GPHN: variants seen among roughly 807,000 people sequenced by gnomAD.
GPHN encodes gephyrin.
In GPHN, 17 loss-of-function variants were observed where a neutral mutation model predicts 95.5. The ratio of observed to expected loss-of-function variants is 0.18; its 90% CI spans 0.12 to 0.27. GPHN has a LOEUF of 0.27. Among genes scored for constraint, GPHN ranks in the 10% least tolerant of loss-of-function variants. The probability of loss-of-function intolerance (pLI) is 1.00; values close to 1 mark genes in which losing one functional copy is unlikely to be tolerated. For synonymous variants in GPHN, 320 were observed against 322.5 expected (o/e 0.99, Z 0.08); for missense variants, 660 against 978.1 (o/e 0.67, Z 4.34).
At chr14:66,894,751 G>C (rs1338124758) in intron 5 of GPHN, among the ~76,000 whole-genome samples, 1 of 152,144 alleles carries the variant, frequency 6.6e-6, no homozygotes, top group Admixed American at 6.5e-5. Flanking sequence ...ACAGACACAT[G>C]AAAAAATGCT....
chr14:67,444,724 A>G, the GPHN span, among the ~76,000 whole-genome samples: 1 of 152,194 alleles, frequency 6.6e-6, no homozygotes, highest in African/African-American at 2.4e-5. Flanking sequence ...CCTGACCTCC[A>G]GGGAGGGAAG....
chr14:66,723,278 G>T (rs754734316), intron 2 of GPHN, among the ~76,000 whole-genome samples: 12 of 130,942 alleles, frequency 9.2e-5, no homozygotes, highest in Non-Finnish European at 1.6e-4. Context: ...ATTTATAAAA[G>T]TTTATAACTT....
At chr14:66,946,908 T>C (rs1310269326) in intron 8 of GPHN, among the ~76,000 whole-genome samples, 2 of 152,196 alleles carry the variant, frequency 1.3e-5, no homozygotes, top group Non-Finnish European at 2.9e-5. Flanking sequence ...TCTTTCACCT[T>C]AATTATTTCA....
At chr14:66,985,661 A>G in intron 9 of GPHN, 1 of 1,496,074 alleles carries the variant, frequency 6.7e-7, no homozygotes. Flanking sequence ...TGTCTTTCTT[A>G]CCCATCTTCC....
At chr14:67,469,083 G>A in the GPHN span, among the ~76,000 whole-genome samples, 1 of 152,090 alleles carries the variant, frequency 6.6e-6, no homozygotes, top group Non-Finnish European at 1.5e-5. Flanking sequence ...ATGCTAACAT[G>A]TAAATGACTG....
chr14:66,615,983 C>T (rs1276169948), intron 1 of GPHN, among the ~76,000 whole-genome samples: 1 of 151,946 alleles, frequency 6.6e-6, no homozygotes, highest in African/African-American at 2.4e-5. Flanking sequence ...GGAATCCTTT[C>T]CCCATTGCTT....
intron 2 of GPHN, among the ~76,000 whole-genome samples, chr14:66,741,446 A>G (rs2072784729): frequency 6.6e-6 from 1 of 152,184 alleles, no homozygotes; most frequent in Non-Finnish European, 1.5e-5. Flanking sequence ...ACATGCATAT[A>G]TGATTTATTC....
At chr14:67,723,796 C>T in the GPHN span, among the ~76,000 whole-genome samples, 8 of 152,336 alleles carry the variant, frequency 5.3e-5, no homozygotes, top group African/African-American at 9.6e-5. Context: ...TCTGCCCCTC[C>T]GTATTCTGTT....
intron 4 of GPHN, among the ~76,000 whole-genome samples, chr14:66,864,796 A>C (rs896223087): frequency 6.6e-6 from 1 of 151,968 alleles, no homozygotes; most frequent in African/African-American, 2.4e-5. Context: ...GGAACTCAGT[A>C]TTTCCAAGGA....
At chr14:67,040,351 T>G (rs557755021) in intron 10 of GPHN, among the ~76,000 whole-genome samples, 1 of 152,160 alleles carries the variant, frequency 6.6e-6, no homozygotes, top group Non-Finnish European at 1.5e-5. Context: ...ACATGATGCC[T>G]CTTTACCCCT....
intron 8 of GPHN, among the ~76,000 whole-genome samples, chr14:66,927,519 G>A (rs1416151366): frequency 6.6e-6 from 1 of 151,794 alleles, no homozygotes; most frequent in African/African-American, 2.4e-5. Flanking sequence ...TTCCAATTTG[G>A]GTGCTGTTTA....
the GPHN span, chr14:67,674,390 C>G: frequency 1.2e-6 from 2 of 1,601,548 alleles, no homozygotes; most frequent in Non-Finnish European, 1.7e-6. Flanking sequence ...CCCGCCGTCC[C>G]CAGCAGCCGC....
chr14:66,603,903 T>C (rs565854525), intron 1 of GPHN, among the ~76,000 whole-genome samples: 11 of 152,210 alleles, frequency 7.2e-5, no homozygotes, highest in African/African-American at 2.6e-4. Context: ...TTATGATTAA[T>C]GTTAGTATTA....
chr14:67,255,716 T>C, the GPHN span, among the ~76,000 whole-genome samples: 2 of 152,344 alleles, frequency 1.3e-5, no homozygotes, highest in Non-Finnish European at 2.9e-5. Flanking sequence ...AGTCTCGCTC[T>C]GTTGCCCAGG....
chr14:66,560,160 A>C (rs1171298576), intron 1 of GPHN, among the ~76,000 whole-genome samples: 6 of 152,140 alleles, frequency 3.9e-5, no homozygotes, highest in Non-Finnish European at 5.9e-5. Flanking sequence ...GTATAGTTTG[A>C]AGTCAGGTAG....
intron 1 of GPHN, among the ~76,000 whole-genome samples, chr14:66,534,140 T>C (rs2139982103): frequency 6.6e-6 from 1 of 152,302 alleles, no homozygotes; most frequent in East Asian, 1.9e-4. Flanking sequence ...ATTTGAGATA[T>C]AACATGCATA....
intron 3 of GPHN, among the ~76,000 whole-genome samples, chr14:66,798,286 T>G (rs2060226455): frequency 6.6e-6 from 1 of 151,924 alleles, no homozygotes; most frequent in South Asian, 2.1e-4. Flanking sequence ...ATAGTTTTCT[T>G]TTTTATGTGT....
At chr14:66,649,355 A>C in intron 1 of GPHN, among the ~76,000 whole-genome samples, 1 of 151,678 alleles carries the variant, frequency 6.6e-6, no homozygotes, top group East Asian at 1.9e-4. Context: ...AACAAAAACA[A>C]GCAGGGGTCC....
the GPHN span, among the ~76,000 whole-genome samples, chr14:67,298,555 G>A: frequency 6.6e-6 from 1 of 151,744 alleles, no homozygotes; most frequent in South Asian, 2.1e-4. Flanking sequence ...TATGAGTAGC[G>A]TGATCTCATT....
Sources: gnomAD v4.1 joint callset for allele counts (sites outside exome capture counted in the v4.1 genomes callset) on GRCh38, gnomAD v4.1.1 for gene constraint, MANE v1.5 for transcripts, NCBI Gene and HGNC (gene_info 2026-07-23, HGNC 2026-07-21) for gene names.